SLCO3A1: variants seen among roughly 807,000 people sequenced by gnomAD.
The protein encoded by SLCO3A1 is solute carrier organic anion transporter family member 3A1.
A neutral mutation model predicts 63.1 loss-of-function variants in SLCO3A1; 27 were observed. The ratio of observed to expected loss-of-function variants is 0.43; its 90% CI spans 0.32 to 0.59. The LOEUF (loss-of-function observed/expected upper bound fraction) is 0.59. SLCO3A1 is among the 20% of genes least tolerant of loss of function. The probability of loss-of-function intolerance (pLI) is 0.09; values close to 1 mark genes in which losing one functional copy is unlikely to be tolerated. For synonymous variants in SLCO3A1, 473 were observed against 409.9 expected (o/e 1.15, Z -1.86); for missense variants, 773 against 945.8 (o/e 0.82, Z 2.40).
rs1897032591 is a variant in SLCO3A1 at position 91,860,913 on chromosome 15, C to T, written c.180+6825C>T. Among the ~76,000 whole-genome samples, 2 of 152,166 alleles carry T rather than the reference C, an allele frequency of 1.3e-5. No homozygotes were observed. Among genetic ancestry groups the T allele is most frequent in the Admixed American group, 6.5e-5 (1 of 15,274 alleles). On this transcript the variant is annotated intron_variant, in intron 1 of 9. Transcript: ENST00000318445. The surrounding 1 kb of genome is among the most constrained non-coding windows in gnomAD (Gnocchi z 5.5). ...CAGAACAATGGACCTGTTCCTGCAACCTGGTTTCCCATCCCATGGATTCAT... is the reference window on the plus strand; with the variant it reads ...CAGAACAATGGACCTGTTCCTGCAATCTGGTTTCCCATCCCATGGATTCAT...
chr15:92,035,349 C>T (rs1466760807), intron 2 of SLCO3A1, among the ~76,000 whole-genome samples: 1 of 151,864 alleles, frequency 6.6e-6, no homozygotes, highest in Admixed American at 6.6e-5. Flanking sequence ...TTCGTCCAAA[C>T]TGTGTTTGCT....
In SLCO3A1 at chr15:91,882,355, C is replaced by G. The variant is rs981853744; in HGVS notation, c.180+28267C>G. ...ATATATTGAACCCATGCATTTGCTTCTCTTTGTGTTCATAGCTCCCAGTTT... is the reference window on the plus strand; with the variant it reads ...ATATATTGAACCCATGCATTTGCTTGTCTTTGTGTTCATAGCTCCCAGTTT... On this transcript the variant is annotated intron_variant, in intron 1 of 9. Coordinates refer to ENST00000318445, the MANE Select transcript of SLCO3A1 (RefSeq NM_013272.4). The surrounding 1 kb of genome is among the most constrained non-coding windows in gnomAD (Gnocchi z 4.4). 6.6e-6 allele frequency among the ~76,000 whole-genome samples: 1 copy of G among 152,204 alleles called. No homozygotes were observed. The highest frequency in any genetic ancestry group is 2.4e-5 in the African/African-American group (1 of 41,442).
At chr15:92,052,587 C>T (rs60384333) in intron 2 of SLCO3A1, among the ~76,000 whole-genome samples, 4,016 of 152,142 alleles carry the variant, frequency 0.026, 164 homozygotes, top group African/African-American at 0.092. Flanking sequence ...TTCTTTATTC[C>T]AGCCACATAT....
At chr15:91,857,598 G>A (rs1347094149) in intron 1 of SLCO3A1, among the ~76,000 whole-genome samples, 1 of 152,220 alleles carries the variant, frequency 6.6e-6, no homozygotes. Flanking sequence ...TCTTGGACTG[G>A]TTGGAGAAGA....
chr15:92,134,906 G>A (rs948342038), intron 7 of SLCO3A1, among the ~76,000 whole-genome samples: 1 of 152,026 alleles, frequency 6.6e-6, no homozygotes, highest in African/African-American at 2.4e-5. Flanking sequence ...AGGAGGGAGT[G>A]GGCATGTTCT....
intron 2 of SLCO3A1, among the ~76,000 whole-genome samples, chr15:92,048,756 A>C (rs1161480171): frequency 6.6e-6 from 1 of 152,262 alleles, no homozygotes; most frequent in African/African-American, 2.4e-5. Flanking sequence ...AAAATTAGCC[A>C]GGCTAGTGGC....
At chr15:92,136,438 G>A (rs1460905259) in intron 7 of SLCO3A1, among the ~76,000 whole-genome samples, 3 of 152,168 alleles carry the variant, frequency 2.0e-5, no homozygotes, top group Non-Finnish European at 2.9e-5. Context: ...ATAGCATGCC[G>A]ACTGCTTCCT....
chr15:92,132,260 A>G (rs982041557), intron 7 of SLCO3A1, among the ~76,000 whole-genome samples: 5 of 145,936 alleles, frequency 3.4e-5, no homozygotes, highest in African/African-American at 1.2e-4. Context: ...CTGATCAAAT[A>G]ATTCTGATTA....
chr15:91,919,560 C>T (rs1475549065), intron 2 of SLCO3A1, among the ~76,000 whole-genome samples: 1 of 152,214 alleles, frequency 6.6e-6, no homozygotes, highest in Non-Finnish European at 1.5e-5. Flanking sequence ...ACCACTGGGC[C>T]CCTACTGAGG....
In SLCO3A1 at chr15:91,926,606, CACG is replaced by C. The variant is rs1413301760; in HGVS notation, c.646+10149_646+10151del. On this transcript the variant is annotated intron_variant, in intron 2 of 9. Transcript: ENST00000318445. ...GTGTGTGTGTGTGTGTGCGCGCGCG[CACG>C]CCCATGCTTATTTTAAACCACATAA... is the stretch of plus-strand genomic sequence containing the variant. 8.8e-3 allele frequency among the ~76,000 whole-genome samples: 564 copies of C among 63,956 alleles called. 8 individuals are homozygous for C. Among genetic ancestry groups the C allele is most frequent in the African/African-American group, 0.041 (534 of 12,988 alleles). 42.0% of individuals were successfully genotyped at this position (63,956 alleles called of 152,430 possible). A position where few individuals can be genotyped will look rare whatever the true frequency, so the allele number is the denominator to read the frequency against.
chr15:92,126,677 G>A (rs2047928253), intron 6 of SLCO3A1, among the ~76,000 whole-genome samples: 2 of 152,194 alleles, frequency 1.3e-5, no homozygotes, highest in Non-Finnish European at 1.5e-5. Context: ...TCTGGCCCAT[G>A]GCAGGTGTTC....
At chr15:92,112,242 G>A (rs561255977) in intron 4 of SLCO3A1, among the ~76,000 whole-genome samples, 2 of 152,328 alleles carry the variant, frequency 1.3e-5, no homozygotes, top group Non-Finnish European at 2.9e-5. Context: ...GGAGCTAGAC[G>A]TCTGGTTTTA....
At position 91,916,576 on chromosome 15, in the gene SLCO3A1, T is replaced by A; in HGVS notation, c.646+118T>A. The stretch of plus-strand genomic sequence containing the variant: ...TGGTTCTCAGACTTGGCTGCACACC[T>A]AGTGTTCTTGAAAAATACTCATGCC... On this transcript the variant is annotated intron_variant, in intron 2 of 9. Coordinates refer to ENST00000318445, the MANE Select transcript of SLCO3A1 (RefSeq NM_013272.4). This position sits in a 1 kb window ranked among gnomAD's most constrained non-coding sequence, Gnocchi z 6.2. The A allele has an allele frequency of 2.7e-6, 2 of 741,452 alleles. No homozygotes were observed. Among genetic ancestry groups the A allele is most frequent in the Non-Finnish European group, 4.3e-6 (2 of 466,224 alleles). 45.9% of individuals were successfully genotyped at this position (741,452 alleles called of 1,614,324 possible).
At position 92,080,682 on chromosome 15, in the gene SLCO3A1, C is replaced by A. The variant is rs937210995; in HGVS notation, c.647-14199C>A. ...TGCCCCAGAGGCCACACGGGGTACA[C>A]CAGGCAGAGTTCTGTGCTGAGTGCT... On this transcript the variant is annotated intron_variant, in intron 2 of 9. Transcript: ENST00000318445. Among the ~76,000 whole-genome samples the A allele has an allele frequency of 3.9e-5, 6 of 152,174 alleles. No homozygotes were observed. The South Asian group carries it at 8.3e-4, about 21-fold the overall frequency.
chr15:91,970,417 G>T (rs1406919619), intron 2 of SLCO3A1, among the ~76,000 whole-genome samples: 2 of 152,188 alleles, frequency 1.3e-5, no homozygotes, highest in Non-Finnish European at 2.9e-5. Flanking sequence ...GCCGCTGATG[G>T]GAGGTGCCTT....
At chr15:92,053,353 C>T (rs377737468) in intron 2 of SLCO3A1, among the ~76,000 whole-genome samples, 1 of 152,182 alleles carries the variant, frequency 6.6e-6, no homozygotes, top group Non-Finnish European at 1.5e-5. Flanking sequence ...AGAGTTCCCA[C>T]AGACCCCACA....
chr15:92,160,457 TG>T (rs957892989), intron 9 of SLCO3A1, among the ~76,000 whole-genome samples: 3 of 152,052 alleles, frequency 2.0e-5, no homozygotes, highest in African/African-American at 7.2e-5. Context: ...CTGAGACACC[TG>T]GGCAGCCTTT....
chr15:92,050,970 C>T (rs2046950060), intron 2 of SLCO3A1, among the ~76,000 whole-genome samples: 1 of 152,214 alleles, frequency 6.6e-6, no homozygotes, highest in South Asian at 2.1e-4. Context: ...GTCTTCTTGT[C>T]TCTCAGGCCC....
chr15:91,963,410 G>T (rs1567041074), intron 2 of SLCO3A1, among the ~76,000 whole-genome samples: 2 of 124,194 alleles, frequency 1.6e-5, no homozygotes, highest in Admixed American at 8.2e-5. Context: ...GGGGAGGGTG[G>T]GGGGGGGGGG....
Sources: allele counts gnomAD v4.1 joint callset (sites outside exome capture counted in the v4.1 genomes callset), GRCh38; gene constraint gnomAD v4.1.1; non-coding constraint Gnocchi (gnomAD v3.1); transcripts MANE v1.5; gene names NCBI Gene and HGNC (gene_info 2026-07-23, HGNC 2026-07-21).